The following NDUFA10 variants were observed in gnomAD, a reference collection of about 807,000 sequenced individuals.
NDUFA10 encodes NADH:ubiquinone oxidoreductase subunit A10, also known as NADH dehydrogenase [ubiquinone] 1 alpha subcomplex subunit 10, mitochondrial.
In NDUFA10, 40 loss-of-function variants were observed where a neutral mutation model predicts 47.8. The observed-to-expected ratio is 0.84, with a 90% CI of 0.65 to 1.09. The LOEUF (loss-of-function observed/expected upper bound fraction) is 1.09. Ranked by LOEUF, NDUFA10 falls within the 50% of genes least tolerant of loss-of-function variation. The pLI is 0.00. For synonymous variants in NDUFA10, 183 were observed against 172.2 expected, an observed-to-expected ratio of 1.06 and a Z score of -0.49; for missense variants, 413 against 451.1, an observed-to-expected ratio of 0.92 and a Z score of 0.76.
chr2:240,006,574 C>T (rs1156815451), intron 7 of NDUFA10, among the ~76,000 whole-genome samples: 5 of 152,124 alleles, frequency 3.3e-5, no homozygotes, highest in East Asian at 1.9e-4. Flanking sequence ...TGTTACACCT[C>T]GTTTTGTTTT....
intron 4 of NDUFA10, among the ~76,000 whole-genome samples, chr2:239,941,240 T>G (rs1694355652): frequency 6.6e-6 from 1 of 152,162 alleles, no homozygotes; most frequent in Non-Finnish European, 1.5e-5. Flanking sequence ...TCAGAACATA[T>G]GCAAACAAAA....
At chr2:239,929,526 C>T (rs1354725849) in intron 4 of NDUFA10, among the ~76,000 whole-genome samples, 1 of 152,172 alleles carries the variant, frequency 6.6e-6, no homozygotes, top group African/African-American at 2.4e-5. Context: ...TTGTGGGAGG[C>T]TAGTGCACCT....
At chr2:240,015,507 G>C (rs954326437) in intron 4 of NDUFA10, among the ~76,000 whole-genome samples, 4 of 152,244 alleles carry the variant, frequency 2.6e-5, no homozygotes, top group African/African-American at 9.6e-5. Flanking sequence ...CGTTTCAGTA[G>C]TATAATCAGC....
rs778345600 is a variant in NDUFA10, at chr2:240,005,279, T to C, written c.821A>G (p.Glu274Gly). The C allele has an allele frequency of 3.7e-6, 6 of 1,613,982 alleles. No individual in the cohort carries two copies. The East Asian group carries it at 1.3e-4, about 36-fold the overall frequency. ...CGGCCCTTTATCGAACTTCAGGTAT[T>C]CAATGTCCTCTACCACCTAAGACAG... is the stretch of plus-strand genomic sequence containing the variant. ...QDSKKVVEDI[E>G]YLKFDKGPWL... Residue 274 changes from glutamate to glycine, a missense_variant, in exon 8 of 10, where the codon GAA becomes GGA. Physicochemically the swap from Glu to Gly is moderately conservative, Grantham distance 98. Transcript: ENST00000252711.
chr2:240,018,416 C>T (rs1015283660), intron 4 of NDUFA10, 137 bp downstream of exon 4: 11 of 1,560,352 alleles, frequency 7.0e-6, no homozygotes, highest in African/African-American at 4.1e-5. Flanking sequence ...CTTTTTCCAG[C>T]GGAGACCGAT....
At position 239,961,184 on chromosome 2, in the gene NDUFA10, C is replaced by G. The variant is rs777013907; in HGVS notation, c.1002G>C (p.Leu334=). Residue 334 remains leucine (L), a splice_region_variant and synonymous_variant, in exon 10 of 10, where the codon CTG becomes CTC. Transcript: ENST00000252711. The part of the protein sequence containing the change: ...TDRVLHQFRE[L]PGRKYSPGYN... ...ACCCAGGGCTGTACTTGCGGCCCGGCAGCTGTGGGGGAAAAAGGCATTGGT... is the reference window on the plus strand; with the variant it reads ...ACCCAGGGCTGTACTTGCGGCCCGGGAGCTGTGGGGGAAAAAGGCATTGGT... 1.2e-6 allele frequency: 2 copies of G among 1,601,318 alleles called. No individual in the cohort carries two copies. The highest frequency in any genetic ancestry group is 2.7e-5 in the African/African-American group (2 of 74,204).
In NDUFA10 at chr2:239,959,524, C is replaced by T. The variant is rs773071160; in HGVS notation, c.*1594G>A. On this transcript the variant is annotated 3_prime_UTR_variant, in exon 10 of 10. Transcript: ENST00000252711. ...CTGTGCTTTCATTTCATGATTAAAG[C>T]TGTTGGTTTCCTAGTGAAATGCAAA... The T allele has an allele frequency of 7.7e-5, 76 of 985,362 alleles. No individual in the cohort carries two copies. Among genetic ancestry groups the T allele is most frequent in the Non-Finnish European group, 9.0e-5 (75 of 829,958 alleles). The allele number at this position is 985,362 out of a possible 1,614,324, so 61.0% of individuals were successfully genotyped here. A position where few individuals can be genotyped will look rare whatever the true frequency, so the allele number is the denominator to read the frequency against.
intron 4 of NDUFA10, among the ~76,000 whole-genome samples, chr2:239,922,496 G>A (rs1694005784): frequency 6.6e-6 from 1 of 152,196 alleles, no homozygotes; most frequent in South Asian, 2.1e-4. Context: ...CCCACACATG[G>A]ATGTCTTTCT....
At position 239,959,823 on chromosome 2, in the gene NDUFA10, GAGGAGGAAAGA is replaced by G; in HGVS notation, c.*1284_*1294del. Reference sequence around the variant, plus strand: ...GAAGGAAGAAAGGAAGGGAGGGAAGGAGGAGGAAAGAAGGAGGGAAGGAAGGGGAGAGGGAA... The same window carrying G: ...GAAGGAAGAAAGGAAGGGAGGGAAGGAGGAGGGAAGGAAGGGGAGAGGGAA... On this transcript the variant is annotated 3_prime_UTR_variant, in exon 10 of 10. Coordinates refer to ENST00000252711, the MANE Select transcript of NDUFA10 (RefSeq NM_004544.4). 2 of 899,870 alleles carry G rather than the reference GAGGAGGAAAGA, an allele frequency of 2.2e-6. No homozygotes were observed. The highest frequency in any genetic ancestry group is 1.3e-6 in the Non-Finnish European group (1 of 752,200). 55.7% of individuals were successfully genotyped at this position (899,870 alleles called of 1,614,324 possible). A position where few individuals can be genotyped will look rare whatever the true frequency, so the allele number is the denominator to read the frequency against.
At chr2:239,948,115 G>A (rs989468025) in intron 4 of NDUFA10, among the ~76,000 whole-genome samples, 9 of 151,924 alleles carry the variant, frequency 5.9e-5, no homozygotes, top group African/African-American at 1.4e-4. Context: ...TTCAGTTAAC[G>A]GCAGCAAGGT....
At chr2:239,913,366 C>T (rs532565238) in intron 4 of NDUFA10, among the ~76,000 whole-genome samples, 4 of 152,352 alleles carry the variant, frequency 2.6e-5, no homozygotes, top group South Asian at 2.1e-4. Flanking sequence ...GCTCGGCCCA[C>T]GCAACCTGAG....
Position 239,945,457 on chromosome 2 carries a change from G to A in NDUFA10, c.294+44617C>T, listed in dbSNP as rs1055875824. Among the ~76,000 whole-genome samples the A allele has an allele frequency of 5.3e-5, 8 of 152,126 alleles. No homozygotes were observed. Among genetic ancestry groups the A allele is most frequent in the African/African-American group, 1.4e-4 (6 of 41,442 alleles). On this transcript the variant is annotated intron_variant, in intron 4 of 5. Coordinates refer to the NDUFA10 transcript ENST00000419408. The surrounding 1 kb of genome is among the most constrained non-coding windows in gnomAD (Gnocchi z 4.6). Reference sequence around the variant, plus strand: ...CAAAGACGCTGGGAGGCCCCTCGGGGGAAGAGCGGACACCCCAACCGGAAC... The same window carrying A: ...CAAAGACGCTGGGAGGCCCCTCGGGAGAAGAGCGGACACCCCAACCGGAAC...
At chr2:239,942,626 T>C (rs1342671524) in intron 4 of NDUFA10, among the ~76,000 whole-genome samples, 1 of 152,190 alleles carries the variant, frequency 6.6e-6, no homozygotes, top group East Asian at 1.9e-4. Context: ...GAATATTTTT[T>C]TTTTCTGTTC....
intron 8 of NDUFA10, among the ~76,000 whole-genome samples, chr2:240,004,834 C>T (rs1417953811): frequency 6.6e-6 from 1 of 152,200 alleles, no homozygotes; most frequent in African/African-American, 2.4e-5. Flanking sequence ...AGCTACTCAC[C>T]ACCCTGTTAC....
intron 8 of NDUFA10, among the ~76,000 whole-genome samples, chr2:239,995,420 G>A (rs1292270037): frequency 2.6e-5 from 4 of 152,098 alleles, no homozygotes; most frequent in African/African-American, 9.7e-5. Context: ...AATGTATACT[G>A]GAAACTCCAC....
chr2:240,003,661 A>G (rs541536834), intron 8 of NDUFA10, among the ~76,000 whole-genome samples: 1 of 152,366 alleles, frequency 6.6e-6, no homozygotes, highest in South Asian at 2.1e-4. Flanking sequence ...TCATCTCTGA[A>G]TTTTGTAGAA....
chr2:239,990,841 TTAAA>T (rs1353338873), intron 8 of NDUFA10, among the ~76,000 whole-genome samples: 1 of 152,192 alleles, frequency 6.6e-6, no homozygotes. Flanking sequence ...TTATTTTAAA[TTAAA>T]TATAGTCTGA....
intron 8 of NDUFA10, among the ~76,000 whole-genome samples, chr2:239,996,572 C>A (rs527300038): frequency 1.3e-5 from 2 of 152,234 alleles, no homozygotes; most frequent in Non-Finnish European, 2.9e-5. Context: ...GATGCATATG[C>A]AACCATTCTT....
intron 4 of NDUFA10, among the ~76,000 whole-genome samples, chr2:239,932,693 C>T (rs961441049): frequency 2.0e-5 from 3 of 152,070 alleles, no homozygotes; most frequent in Non-Finnish European, 2.9e-5. Context: ...CATTCTCCTG[C>T]CTCAGCCTCC....
Sources: gnomAD v4.1 joint callset for allele counts (sites outside exome capture counted in the v4.1 genomes callset) on GRCh38, gnomAD v4.1.1 for gene constraint, Gnocchi (gnomAD v3.1) non-coding constraint, MANE v1.5 for transcripts, NCBI Gene and HGNC (gene_info 2026-07-23, HGNC 2026-07-21) for gene names.